Variants in RBBP8 observed in about 807,000 individuals in gnomAD.
RBBP8 encodes RB binding protein 8, endonuclease, also known as DNA endonuclease RBBP8.
In RBBP8, 88 loss-of-function variants were observed where a neutral mutation model predicts 108.3. The observed-to-expected ratio is 0.81, with a 90% CI of 0.68 to 0.97. The LOEUF (loss-of-function observed/expected upper bound fraction) is 0.97, where lower values mean the gene tolerates loss of function less well. RBBP8 is among the 50% of genes least tolerant of loss of function. The pLI, the probability that RBBP8 is intolerant of heterozygous loss-of-function variation, is 0.00. For synonymous variants in RBBP8, 332 were observed against 348.2 expected (o/e 0.95, Z 0.52); for missense variants, 1,023 against 1,049.0 (o/e 0.98, Z 0.34).
At chr18:23,010,669 G>A (rs2046142403) in intron 16 of RBBP8, among the ~76,000 whole-genome samples, 1 of 152,188 alleles carries the variant, frequency 6.6e-6, no homozygotes, top group African/African-American at 2.4e-5. Context: ...AAATATGTAT[G>A]AGTAGTTTTA....
chr18:22,934,653 C>G (rs1039045157), intron 1 of RBBP8: 7 of 151,792 alleles, frequency 4.6e-5, no homozygotes, highest in Non-Finnish European at 8.8e-5. Flanking sequence ...GGTATATCTC[C>G]TAATCCTATC....
chr18:23,001,429 G>GT (rs1157976340), intron 14 of RBBP8, 157 bp from the exon 15 acceptor site: 1 of 792,634 alleles, frequency 1.3e-6, no homozygotes, highest in Non-Finnish European at 2.1e-6. Flanking sequence ...ACTAAGCTCA[G>GT]TACCCAATAT....
intron 14 of RBBP8, among the ~76,000 whole-genome samples, chr18:23,000,696 GC>G (rs2037554332): frequency 6.7e-6 from 1 of 148,290 alleles, no homozygotes; most frequent in African/African-American, 2.5e-5. Flanking sequence ...AGCCAATATC[GC>G]CTCACTGCAC....
At chr18:23,007,373 G>A (rs1023551592) in intron 16 of RBBP8, among the ~76,000 whole-genome samples, 3 of 151,558 alleles carry the variant, frequency 2.0e-5, no homozygotes, top group African/African-American at 7.3e-5. Flanking sequence ...TTTTCAACTT[G>A]GGGCATTTAT....
In RBBP8 at chr18:23,026,284, C is replaced by G; in HGVS notation, c.*44C>G. 6.6e-7 allele frequency: 1 copy of G among 1,511,560 alleles called. No individual in the cohort carries two copies. Among genetic ancestry groups the G allele is most frequent in the Non-Finnish European group, 9.2e-7 (1 of 1,090,050 alleles). The allele number at this position is 1,511,560 out of a possible 1,614,324, so 93.6% of individuals were successfully genotyped here. A position where few individuals can be genotyped will look rare whatever the true frequency, so the allele number is the denominator to read the frequency against. On this transcript the variant is annotated 3_prime_UTR_variant, in exon 19 of 19. Transcript: ENST00000327155. Reference sequence around the variant, plus strand: ...AAGGATGAAGGACAGTTTTTTCCTTCTTAGTTATTTATAGTTAAAGTTGGT... The same window carrying G: ...AAGGATGAAGGACAGTTTTTTCCTTGTTAGTTATTTATAGTTAAAGTTGGT...
intron 15 of RBBP8, among the ~76,000 whole-genome samples, chr18:23,006,122 C>T (rs2046041654): frequency 6.6e-6 from 1 of 151,412 alleles, no homozygotes; most frequent in African/African-American, 2.4e-5. Context: ...GGAGGTGGAG[C>T]TTGCAGTGAG....
chr18:23,016,992 A>T, intron 17 of RBBP8, 68 bp downstream of exon 17: 1 of 1,137,990 alleles, frequency 8.8e-7, no homozygotes, highest in Non-Finnish European at 1.3e-6. Flanking sequence ...GCATGATTTT[A>T]AAATCACGTA....
chr18:23,018,277 G>A (rs1004321916), intron 17 of RBBP8, among the ~76,000 whole-genome samples: 6 of 152,156 alleles, frequency 3.9e-5, no homozygotes, highest in African/African-American at 9.7e-5. Flanking sequence ...GGCTGGCCTC[G>A]AACTCCCGAC....
intron 12 of RBBP8, 77 bp from the exon 13 acceptor site, chr18:22,996,297 A>C (rs1598723792): frequency 6.3e-7 from 1 of 1,576,948 alleles, no homozygotes; most frequent in African/African-American, 1.4e-5. Flanking sequence ...TCTATTCTTT[A>C]GGTCCCATAA....
At chr18:23,012,010 G>C (rs1244359792) in intron 16 of RBBP8, among the ~76,000 whole-genome samples, 1 of 151,800 alleles carries the variant, frequency 6.6e-6, no homozygotes, top group Non-Finnish European at 1.5e-5. Flanking sequence ...AGACCAGCCT[G>C]GGCAACATGG....
Position 23,001,743 on chromosome 18 carries a change from C to G in RBBP8, c.2287+14C>G, listed in dbSNP as rs759505055. ...AGAAACTACACAGTAAGATTTTTTT[C>G]TGTTTAATTATGGCTTCTCAGTTGC... On this transcript the variant is annotated intron_variant, in intron 15 of 18. Coordinates refer to ENST00000327155, the MANE Select transcript of RBBP8 (RefSeq NM_002894.3). The G allele has an allele frequency of 6.2e-7, 1 of 1,613,800 alleles. No homozygotes were observed. The highest frequency in any genetic ancestry group is 1.1e-5 in the South Asian group (1 of 91,072).
intron 15 of RBBP8, among the ~76,000 whole-genome samples, chr18:23,003,287 A>G (rs548970063): frequency 1.3e-5 from 2 of 152,330 alleles, no homozygotes; most frequent in East Asian, 3.9e-4. Context: ...TGTCTAAGCC[A>G]ATTTCCATTT....
At chr18:22,914,555 C>G (rs993478491) in intron 1 of RBBP8, among the ~76,000 whole-genome samples, 2 of 152,106 alleles carry the variant, frequency 1.3e-5, no homozygotes, top group African/African-American at 4.8e-5. Flanking sequence ...ATTTTAAAAG[C>G]TGGACTGAAT....
In RBBP8 at chr18:22,965,667, C is replaced by T. The variant is rs960017365; in HGVS notation, c.249-3139C>T. On this transcript the variant is annotated intron_variant, in intron 4 of 18. Transcript: ENST00000327155. Reference sequence around the variant, plus strand: ...GTCTAAGCATTAAACCTCCAGTCTGCTGCTGGGATGTCAAAGGGGTAATCA... The same window carrying T: ...GTCTAAGCATTAAACCTCCAGTCTGTTGCTGGGATGTCAAAGGGGTAATCA... Among the ~76,000 whole-genome samples the T allele has an allele frequency of 1.3e-4, 20 of 152,054 alleles. No homozygotes were observed. In the East Asian group the frequency reaches 3.9e-3, roughly 29 times the overall value.
intron 4 of RBBP8, among the ~76,000 whole-genome samples, chr18:22,952,542 T>C (rs1258612388): frequency 2.0e-5 from 3 of 152,188 alleles, no homozygotes; most frequent in Non-Finnish European, 4.4e-5. Context: ...ATAACAGATA[T>C]TTAATAAGAC....
intron 13 of RBBP8, among the ~76,000 whole-genome samples, chr18:22,997,240 G>A (rs1472067564): frequency 6.6e-6 from 1 of 152,074 alleles, no homozygotes; most frequent in Non-Finnish European, 1.5e-5. Context: ...TTTAACATAC[G>A]CTGAGTAATA....
chr18:23,001,547 AGCTT>A, intron 14 of RBBP8, 35 bp from the exon 15 acceptor site: 1 of 1,612,928 alleles, frequency 6.2e-7, no homozygotes, highest in African/African-American at 1.3e-5. Flanking sequence ...ATTAAGCAAA[AGCTT>A]GCTTATTGCC....
At position 22,949,908 on chromosome 18, in the gene RBBP8, A is replaced by C. The variant is rs865837088; in HGVS notation, c.248+195A>C. The C allele has an allele frequency of 7.4e-6, 4 of 544,088 alleles. No homozygotes were observed. In the Middle Eastern group the frequency reaches 1.5e-3, roughly 210 times the overall value. 33.7% of individuals were successfully genotyped at this position (544,088 alleles called of 1,614,324 possible). A position where few individuals can be genotyped will look rare whatever the true frequency, so the allele number is the denominator to read the frequency against. ...ATTAATTCTGAGATCACATCAGTTTACCCTTTAAATGATATCTTTATCTGG... is the reference window on the plus strand; with the variant it reads ...ATTAATTCTGAGATCACATCAGTTTCCCCTTTAAATGATATCTTTATCTGG... On this transcript the variant is annotated intron_variant, in intron 4 of 18. Coordinates refer to ENST00000327155, the MANE Select transcript of RBBP8 (RefSeq NM_002894.3).
intron 12 of RBBP8, among the ~76,000 whole-genome samples, chr18:22,995,031 A>G (rs774779655): frequency 1.3e-5 from 2 of 152,018 alleles, no homozygotes; most frequent in Non-Finnish European, 2.9e-5. Context: ...CCAGCCTGCT[A>G]TCTTTAAAAA....
Sources: gnomAD v4.1 joint callset for allele counts (sites outside exome capture counted in the v4.1 genomes callset) on GRCh38, gnomAD v4.1.1 for gene constraint, MANE v1.5 for transcripts, NCBI Gene and HGNC (gene_info 2026-07-23, HGNC 2026-07-21) for gene names.